LOC114841035: variants seen among roughly 807,000 people sequenced by gnomAD.
the LOC114841035 span, chr11:64,242,161 C>T: frequency 4.2e-6 from 2 of 473,916 alleles, no homozygotes; most frequent in South Asian, 6.5e-5. Context: ...CCTCCCCTGA[C>T]CCCCTCCCCC....
the LOC114841035 span, chr11:64,243,303 G>A: frequency 1.9e-6 from 3 of 1,604,052 alleles, no homozygotes; most frequent in Non-Finnish European, 2.6e-6. Flanking sequence ...GGGACCAGGG[G>A]CTGCTGGGGT....
At chr11:64,243,682 C>T in the LOC114841035 span, 1 of 1,172,600 alleles carries the variant, frequency 8.5e-7, no homozygotes. Context: ...CTGTAGTGGC[C>T]CCACTCTGCC....
chr11:64,243,634 T>TA, the LOC114841035 span: 1 of 1,244,238 alleles, frequency 8.0e-7, no homozygotes, highest in East Asian at 2.4e-5. Flanking sequence ...TGGCTGTGTC[T>TA]AGCAGTGAGT....
the LOC114841035 span, chr11:64,242,115 G>T: frequency 2.4e-6 from 1 of 415,874 alleles, no homozygotes; most frequent in Non-Finnish European, 4.3e-6. Flanking sequence ...GGAAGGTATG[G>T]GGGTGAGCAA....
At chr11:64,243,768 G>T in the LOC114841035 span, 1 of 1,587,794 alleles carries the variant, frequency 6.3e-7, no homozygotes, top group Non-Finnish European at 8.6e-7. Flanking sequence ...GAGAGGGGCG[G>T]AACACTCTCC....
the LOC114841035 span, chr11:64,243,854 G>C: frequency 7.4e-6 from 12 of 1,614,000 alleles, no homozygotes; most frequent in African/African-American, 1.5e-4. Context: ...ATGGAGAGCG[G>C]GGAGCTCCCC....
the LOC114841035 span, chr11:64,243,440 T>A: frequency 1.2e-6 from 2 of 1,614,022 alleles, no homozygotes; most frequent in South Asian, 1.1e-5. Context: ...TGAGCATGTG[T>A]CTTCCTGCAG....
the LOC114841035 span, among the ~76,000 whole-genome samples, chr11:64,241,393 C>G: frequency 1.3e-5 from 2 of 150,282 alleles, no homozygotes; most frequent in African/African-American, 4.9e-5. Context: ...AAGGCGGAGC[C>G]CGGCGGCGGG....
At chr11:64,243,087 C>T in the LOC114841035 span, 3 of 926,858 alleles carry the variant, frequency 3.2e-6, no homozygotes, top group African/African-American at 1.6e-5. Context: ...AAAGGACTGA[C>T]CACCAGGGCT....
At chr11:64,243,219 A>G in the LOC114841035 span, 1 of 1,613,630 alleles carries the variant, frequency 6.2e-7, no homozygotes, top group Non-Finnish European at 8.5e-7. Flanking sequence ...AAGATGGGAC[A>G]GAGTTTGACA....
chr11:64,243,566 C>G, the LOC114841035 span: 1 of 1,577,504 alleles, frequency 6.3e-7, no homozygotes, highest in Non-Finnish European at 8.7e-7. Flanking sequence ...AAAGCTGCTT[C>G]AGCTTTTCAT....
the LOC114841035 span, among the ~76,000 whole-genome samples, chr11:64,242,888 C>T: frequency 1.3e-5 from 2 of 152,190 alleles, no homozygotes; most frequent in Non-Finnish European, 2.9e-5. Flanking sequence ...CCAGTTTGGC[C>T]TCATGATGAA....
At chr11:64,242,814 C>G in the LOC114841035 span, among the ~76,000 whole-genome samples, 37 of 152,288 alleles carry the variant, frequency 2.4e-4, no homozygotes, top group African/African-American at 7.9e-4. Context: ...AGTGGCTCAC[C>G]CCTGTAATCC....
At chr11:64,242,949 A>C in the LOC114841035 span, among the ~76,000 whole-genome samples, 1 of 152,310 alleles carries the variant, frequency 6.6e-6, no homozygotes, top group South Asian at 2.1e-4. Flanking sequence ...GCGGGCGCCT[A>C]TAATCCCAGC....
At chr11:64,243,906 C>T in the LOC114841035 span, 1 of 1,614,104 alleles carries the variant, frequency 6.2e-7, no homozygotes, top group Non-Finnish European at 8.5e-7. Flanking sequence ...CTCCCATCAC[C>T]TGCAGCCAGC....
At chr11:64,242,537 T>G in the LOC114841035 span, 1 of 1,550,330 alleles carries the variant, frequency 6.5e-7, no homozygotes, top group Non-Finnish European at 8.7e-7. Flanking sequence ...GCAAAGGGGA[T>G]GTCCTGCACA....
the LOC114841035 span, chr11:64,242,397 A>T: frequency 1.9e-6 from 3 of 1,539,232 alleles, no homozygotes; most frequent in Non-Finnish European, 1.7e-6. Flanking sequence ...CATGAGGCTG[A>T]GCTGGTTCCG....
chr11:64,243,397 TACAAG>T, the LOC114841035 span: 1 of 1,611,458 alleles, frequency 6.2e-7, no homozygotes, highest in Non-Finnish European at 8.5e-7. Flanking sequence ...GCCCCAGGGA[TACAAG>T]ACAAGGGCCC....
At chr11:64,242,228 G>C in the LOC114841035 span, 1 of 683,460 alleles carries the variant, frequency 1.5e-6, no homozygotes, top group Middle Eastern at 4.3e-4. Flanking sequence ...GTGTGGCCCC[G>C]GAGCCCGGGG....
Sources: allele counts gnomAD v4.1 joint callset (sites outside exome capture counted in the v4.1 genomes callset), GRCh38; gene constraint gnomAD v4.1.1; transcripts MANE v1.5.